CDH12: variants seen among roughly 807,000 people sequenced by gnomAD.
CDH12 encodes the protein cadherin 12.
Under a neutral mutation model 74.1 loss-of-function variants are expected in CDH12, and 41 were observed. The observed-to-expected ratio is 0.55, with a 90% CI of 0.43 to 0.72. The LOEUF (loss-of-function observed/expected upper bound fraction) is 0.72. Among genes scored for constraint, CDH12 ranks in the 30% least tolerant of loss-of-function variants. The pLI is 0.00. For missense variants in CDH12, 945 were observed against 977.2 expected (o/e 0.97, Z 0.44); for synonymous variants, 399 against 355.0 (o/e 1.12, Z -1.39).
rs1455322350 is a variant in CDH12 at position 22,002,299 on chromosome 5, A to T, written c.232-26914T>A. 3.9e-5 allele frequency among the ~76,000 whole-genome samples: 6 copies of T among 152,162 alleles called. No homozygotes were observed. In the East Asian group the frequency reaches 7.7e-4, roughly 20 times the overall value. On this transcript the variant is annotated intron_variant, in intron 5 of 14. Coordinates refer to ENST00000382254, the MANE Select transcript of CDH12 (RefSeq NM_004061.5). ...AAACAATTATTTTGTAAAACATTTT[A>T]AAAAGACAAGAACATTTAAAGGGAA...
chr5:21,863,222 T>C (rs757091294), intron 6 of CDH12, among the ~76,000 whole-genome samples: 4 of 152,104 alleles, frequency 2.6e-5, no homozygotes, highest in Non-Finnish European at 4.4e-5. Context: ...TTATTTACTG[T>C]TTATGATGAG....
intron 1 of CDH12, among the ~76,000 whole-genome samples, chr5:22,678,050 G>GGGT (rs1561571440): frequency 1.3e-5 from 2 of 151,308 alleles, no homozygotes; most frequent in Admixed American, 6.6e-5. Flanking sequence ...CTCATGGGGG[G>GGGT]GGGGGTTAGG....
At position 21,896,886 on chromosome 5, in the gene CDH12, A is replaced by C. The variant is rs186874066; in HGVS notation, c.527-42096T>G. On this transcript the variant is annotated intron_variant, in intron 6 of 14. Coordinates refer to ENST00000382254, the MANE Select transcript of CDH12 (RefSeq NM_004061.5). ...GTATAATTTGTCTACAAGCACATGT[A>C]AAAAGTCTCAATTTAGTATGTTGCT... is the stretch of plus-strand genomic sequence containing the variant. Among the ~76,000 whole-genome samples, 246 of 152,312 alleles carry C rather than the reference A, an allele frequency of 1.6e-3. 2 individuals carry two copies. Among genetic ancestry groups the C allele is most frequent in the African/African-American group, 5.5e-3 (230 of 41,570 alleles).
chr5:22,693,683 AAT>A (rs550453522), intron 1 of CDH12, among the ~76,000 whole-genome samples: 12 of 152,126 alleles, frequency 7.9e-5, no homozygotes, highest in Admixed American at 5.9e-4. Context: ...TATACAACAT[AAT>A]ATATGTGTTT....
chr5:22,736,631 T>G (rs1372662674), intron 1 of CDH12, among the ~76,000 whole-genome samples: 1 of 151,822 alleles, frequency 6.6e-6, no homozygotes, highest in Non-Finnish European at 1.5e-5. Context: ...TATTTTTCCT[T>G]GTTATAGTTT....
At chr5:22,030,043 T>C (rs1382605086) in intron 5 of CDH12, among the ~76,000 whole-genome samples, 1 of 145,264 alleles carries the variant, frequency 6.9e-6, no homozygotes, top group Non-Finnish European at 1.5e-5. Flanking sequence ...TGTTCTCACT[T>C]ATAGGTGGGA....
At position 22,321,028 on chromosome 5, in the gene CDH12, T is replaced by A. The variant is rs2150436986; in HGVS notation, c.-333+84229A>T. Among the ~76,000 whole-genome samples, 5 of 152,338 alleles carry A rather than the reference T, an allele frequency of 3.3e-5. No individual in the cohort carries two copies. In the Middle Eastern group the frequency reaches 0.017, roughly 518 times the overall value. The stretch of plus-strand genomic sequence containing the variant: ...GCACAAAATAAACAGTGAATAGGCA[T>A]TTTTTGACTAAAGGTTCAGATCAAA... On this transcript the variant is annotated intron_variant, in intron 3 of 14. Transcript: ENST00000382254.
chr5:22,122,871 G>C (rs147270347), intron 4 of CDH12, among the ~76,000 whole-genome samples: 2 of 152,260 alleles, frequency 1.3e-5, no homozygotes, highest in African/African-American at 4.8e-5. Context: ...GCTCTTCCTG[G>C]GTTTTGAGTT....
At position 22,024,554 on chromosome 5, in the gene CDH12, C is replaced by A. The variant is rs867032357; in HGVS notation, c.232-49169G>T. ...TTGATACAGAGTCTCACTCTGTCAC[C>A]CAGGCTGGAGTACAGTGGTGTGATC... On this transcript the variant is annotated intron_variant, in intron 5 of 14. Coordinates refer to ENST00000382254, the MANE Select transcript of CDH12 (RefSeq NM_004061.5). Among the ~76,000 whole-genome samples, 4 of 151,938 alleles carry A rather than the reference C, an allele frequency of 2.6e-5. No homozygotes were observed. The East Asian group carries it at 7.7e-4, about 29-fold the overall frequency.
intron 3 of CDH12, among the ~76,000 whole-genome samples, chr5:22,249,853 T>TA (rs1436073450): frequency 1.7e-5 from 2 of 120,022 alleles, no homozygotes; most frequent in Non-Finnish European, 3.5e-5. Flanking sequence ...CAATGGATTA[T>TA]ACCTACAGAT....
chr5:22,048,836 C>A (rs1740146171), intron 5 of CDH12, among the ~76,000 whole-genome samples: 1 of 151,910 alleles, frequency 6.6e-6, no homozygotes, highest in African/African-American at 2.4e-5. Context: ...TAATAACATT[C>A]TACAAATAAT....
intron 5 of CDH12, among the ~76,000 whole-genome samples, chr5:22,015,295 G>A (rs1388907755): frequency 6.6e-6 from 1 of 151,908 alleles, no homozygotes; most frequent in Non-Finnish European, 1.5e-5. Flanking sequence ...CTATTTGTGT[G>A]GTTTTTTTCA....
At chr5:22,432,950 T>G in intron 2 of CDH12, among the ~76,000 whole-genome samples, 1 of 151,920 alleles carries the variant, frequency 6.6e-6, no homozygotes, top group East Asian at 1.9e-4. Flanking sequence ...AGCACTGGAG[T>G]TATATGCAAA....
chr5:22,467,792 A>C (rs529946608), intron 2 of CDH12, among the ~76,000 whole-genome samples: 1 of 152,348 alleles, frequency 6.6e-6, no homozygotes, highest in Admixed American at 6.5e-5. Context: ...AATCAATTTT[A>C]TCAAAGATCA....
At position 21,952,131 on chromosome 5, in the gene CDH12, C is replaced by T. The variant is rs527470006; in HGVS notation, c.526+22960G>A. ...TGAGGGTACTAATAGTTCCAGAGTT[C>T]TTACATTAGTGCTGTTGCCGTTAGT... On this transcript the variant is annotated intron_variant, in intron 6 of 14. Transcript: ENST00000382254. 7.2e-5 allele frequency among the ~76,000 whole-genome samples: 11 copies of T among 152,272 alleles called. No homozygotes were observed. In the South Asian group the frequency reaches 2.1e-3, roughly 29 times the overall value.
At chr5:22,652,083 C>A (rs541189617) in intron 1 of CDH12, among the ~76,000 whole-genome samples, 1 of 151,994 alleles carries the variant, frequency 6.6e-6, no homozygotes, top group South Asian at 2.1e-4. Flanking sequence ...CATATAGTAA[C>A]CATGAAATGG....
At chr5:22,074,465 G>A (rs1416089622) in intron 5 of CDH12, among the ~76,000 whole-genome samples, 1 of 152,060 alleles carries the variant, frequency 6.6e-6, no homozygotes, top group Non-Finnish European at 1.5e-5. Flanking sequence ...TGACAAAAGG[G>A]ATCTAGTTAA....
chr5:22,181,110 C>T (rs546015023), intron 4 of CDH12, among the ~76,000 whole-genome samples: 8 of 152,076 alleles, frequency 5.3e-5, no homozygotes, highest in East Asian at 1.9e-4. Flanking sequence ...TATCAAGAAG[C>T]GTTGTATACC....
intron 1 of CDH12, among the ~76,000 whole-genome samples, chr5:22,702,654 C>T (rs990746916): frequency 6.6e-6 from 1 of 151,936 alleles, no homozygotes. Flanking sequence ...CCCTCCAGCT[C>T]GGTCATGTCT....
Sources: allele counts gnomAD v4.1 joint callset (sites outside exome capture counted in the v4.1 genomes callset), GRCh38; gene constraint gnomAD v4.1.1; transcripts MANE v1.5; gene names NCBI Gene and HGNC (gene_info 2026-07-23, HGNC 2026-07-21).